Variants in SMAD4 observed in about 807,000 individuals in gnomAD.
The protein encoded by SMAD4 is MAD homolog 4.
SMAD4 carries 7 observed loss-of-function variants against 63.2 expected under a neutral mutation model. The ratio of observed to expected loss-of-function variants is 0.11; its 90% confidence interval spans 0.06 to 0.21. The LOEUF (loss-of-function observed/expected upper bound fraction) is 0.21. Ranked by LOEUF, SMAD4 falls within the 10% of genes least tolerant of loss-of-function variation. The pLI is 1.00. For synonymous variants in SMAD4, 215 were observed against 235.4 expected (o/e 0.91, Z 0.79); for missense variants, 312 against 693.8 (o/e 0.45, Z 6.18).
chr18:51,042,778 C>T (rs778110183), intron 1 of SMAD4, among the ~76,000 whole-genome samples: 2 of 152,110 alleles, frequency 1.3e-5, no homozygotes, highest in Non-Finnish European at 2.9e-5. Flanking sequence ...CATAGCTCAC[C>T]GTAGCCTTGG....
intron 1 of SMAD4, among the ~76,000 whole-genome samples, chr18:51,033,307 A>G (rs1599171625): frequency 6.6e-6 from 1 of 150,476 alleles, no homozygotes; most frequent in East Asian, 2.0e-4. Flanking sequence ...CTCCTGCGTC[A>G]GCCTCCTGAG....
intron 7 of SMAD4, among the ~76,000 whole-genome samples, chr18:51,059,137 G>A (rs1327114106): frequency 6.6e-6 from 1 of 152,110 alleles, no homozygotes; most frequent in South Asian, 2.1e-4. Flanking sequence ...CATATAAACA[G>A]GTATATGTAA....
intron 1 of SMAD4, among the ~76,000 whole-genome samples, chr18:51,043,989 G>T (rs536036337): frequency 2.2e-4 from 33 of 152,296 alleles, no homozygotes; most frequent in African/African-American, 7.7e-4. Context: ...GAGTGTTGTT[G>T]CTGTTTTCTT....
At position 51,079,301 on chromosome 18, in the gene SMAD4, C is replaced by T. The variant is rs190076139; in HGVS notation, c.*834C>T. On this transcript the variant is annotated 3_prime_UTR_variant, in exon 12 of 12. Transcript: ENST00000342988. ...TAAGAGGAATTTCTTTTCCTTCATT[C>T]ATAGGGAAAGGTTTTGTATTTTTTA... The T allele has an allele frequency of 4.3e-6, 1 of 233,312 alleles. No homozygotes were observed. Among genetic ancestry groups the T allele is most frequent in the Non-Finnish European group, 8.5e-6 (1 of 117,892 alleles). 14.5% of individuals were successfully genotyped at this position (233,312 alleles called of 1,614,324 possible). A position where few individuals can be genotyped will look rare whatever the true frequency, so the allele number is the denominator to read the frequency against.
rs2144483192 is a variant in SMAD4, at chr18:51,079,878, C to G, written c.*1411C>G. 4.3e-6 allele frequency: 1 copy of G among 232,234 alleles called. No individual in the cohort carries two copies. The highest frequency in any genetic ancestry group is 1.8e-4 in the South Asian group (1 of 5,518). The allele number at this position is 232,234 out of a possible 1,614,324, so 14.4% of individuals were successfully genotyped here. A position where few individuals can be genotyped will look rare whatever the true frequency, so the allele number is the denominator to read the frequency against. ...GTACCTTCTACTAAATGACAGGCAA[C>G]AGCCAGTTCTATTGGGCAGCTTTGT... On this transcript the variant is annotated 3_prime_UTR_variant, in exon 12 of 12. Coordinates refer to ENST00000342988, the MANE Select transcript of SMAD4 (RefSeq NM_005359.6).
chr18:51,041,283 A>G (rs1909372946), intron 1 of SMAD4, among the ~76,000 whole-genome samples: 1 of 152,134 alleles, frequency 6.6e-6, no homozygotes, highest in Non-Finnish European at 1.5e-5. Context: ...ATTTTCCTTC[A>G]GCCTGGCAAA....
chr18:51,055,065 T>TG, intron 5 of SMAD4, 72 bp downstream of exon 5: 2 of 1,128,418 alleles, frequency 1.8e-6, no homozygotes, highest in South Asian at 1.2e-5. Flanking sequence ...TGTAGTCACT[T>TG]GGGGGGAAAC....
chr18:51,045,966 T>C (rs1909531706), intron 1 of SMAD4, among the ~76,000 whole-genome samples: 1 of 152,208 alleles, frequency 6.6e-6, no homozygotes, highest in South Asian at 2.1e-4. Context: ...GTTAGTACTT[T>C]ATTCTTTTTT....
chr18:51,074,127 A>C (rs1186801584), intron 10 of SMAD4, among the ~76,000 whole-genome samples: 1 of 151,950 alleles, frequency 6.6e-6, no homozygotes, highest in Non-Finnish European at 1.5e-5. Context: ...TAATCCCAGC[A>C]CTTCGGGAGG....
At chr18:51,073,386 TATACACACACACAC>T (rs1324863821) in intron 10 of SMAD4, among the ~76,000 whole-genome samples, 60 of 82,050 alleles carry the variant, frequency 7.3e-4, no homozygotes, top group African/African-American at 1.8e-3. Context: ...TATATATATA[TATACACACACACAC>T]ACACACACAC....
chr18:51,036,494 A>G (rs2144379431), intron 1 of SMAD4, among the ~76,000 whole-genome samples: 1 of 152,346 alleles, frequency 6.6e-6, no homozygotes, highest in South Asian at 2.1e-4. Flanking sequence ...GAATCATTGT[A>G]CATAAACACA....
At chr18:51,073,879 A>G (rs1910402493) in intron 10 of SMAD4, among the ~76,000 whole-genome samples, 1 of 152,150 alleles carries the variant, frequency 6.6e-6, no homozygotes, top group African/African-American at 2.4e-5. Context: ...GGCATGATCC[A>G]TAAAGGAAAG....
intron 11 of SMAD4, chr18:51,077,498 G>A (rs1910499426): frequency 2.6e-6 from 1 of 381,836 alleles, no homozygotes; most frequent in Non-Finnish European, 3.6e-6. Flanking sequence ...CCTCCCATTA[G>A]TTTCATTGTA....
In SMAD4 at chr18:51,054,888, A is replaced by C. The variant is rs2144418756; in HGVS notation, c.562A>C (p.Asn188His). The change falls in exon 5 of 12, where the codon AAT becomes CAT. Residue 188 changes from asparagine to histidine, a missense_variant. Asn to His is a moderately conservative substitution (Grantham distance 68, BLOSUM62 1). Coordinates refer to ENST00000342988, the MANE Select transcript of SMAD4 (RefSeq NM_005359.6). The part of the protein sequence containing the change: ...SIQTIQHPPS[N>H]RASTETYSTP... ...TCAAACCATCCAGCATCCACCAAGTAATCGTGCATCGACAGAGACATACAG... is the reference window on the plus strand; with the variant it reads ...TCAAACCATCCAGCATCCACCAAGTCATCGTGCATCGACAGAGACATACAG... 1 of 1,614,096 alleles carries C rather than the reference A, an allele frequency of 6.2e-7. No individual in the cohort carries two copies. The highest frequency in any genetic ancestry group is 8.5e-7 in the Non-Finnish European group (1 of 1,179,930).
chr18:51,061,750 C>A (rs1910021313), intron 8 of SMAD4, among the ~76,000 whole-genome samples: 1 of 151,974 alleles, frequency 6.6e-6, no homozygotes, highest in Non-Finnish European at 1.5e-5. Flanking sequence ...ATGTAAATAT[C>A]TTAGTATATA....
chr18:51,065,406 C>T lies in SMAD4; in HGVS notation c.956-17C>T, dbSNP rs1315017766. 2.5e-6 allele frequency: 4 copies of T among 1,606,386 alleles called. No individual in the cohort carries two copies. Among genetic ancestry groups the T allele is most frequent in the Non-Finnish European group, 2.6e-6 (3 of 1,173,158 alleles). On this transcript the variant is annotated splice_polypyrimidine_tract_variant and intron_variant, in intron 8 of 11. Coordinates refer to ENST00000342988, the MANE Select transcript of SMAD4 (RefSeq NM_005359.6). ...CTTTCTCATGGGAGGATGTTCTTTC[C>T]CATTTATTTCCTATAGCTCCTGAGT...
At position 51,078,743 on chromosome 18, in the gene SMAD4, C is replaced by T. The variant is rs1910535414; in HGVS notation, c.*276C>T. ...ACCTGTTATGTATGAAGGAATCATT[C>T]CAGTGCTAGAAAATTTAGCCCTTTA... is the stretch of plus-strand genomic sequence containing the variant. On this transcript the variant is annotated 3_prime_UTR_variant, in exon 12 of 12. Transcript: ENST00000342988. 2 of 420,734 alleles carry T rather than the reference C, an allele frequency of 4.8e-6. No homozygotes were observed. The highest frequency in any genetic ancestry group is 7.9e-5 in the Admixed American group (2 of 25,352). 26.1% of individuals were successfully genotyped at this position (420,734 alleles called of 1,614,324 possible).
In SMAD4 at chr18:51,079,174, A is replaced by G; in HGVS notation, c.*707A>G. Reference sequence around the variant, plus strand: ...AAAAAAATTTAAAATTACGTTTGTTATTCCTAGTGGATGACTGTTGATGAA... The same window carrying G: ...AAAAAAATTTAAAATTACGTTTGTTGTTCCTAGTGGATGACTGTTGATGAA... On this transcript the variant is annotated 3_prime_UTR_variant, in exon 12 of 12. Transcript: ENST00000342988. The G allele has an allele frequency of 4.3e-6, 1 of 232,944 alleles. No homozygotes were observed. The highest frequency in any genetic ancestry group is 8.5e-6 in the Non-Finnish European group (1 of 117,884). The allele number at this position is 232,944 out of a possible 1,614,324, so 14.4% of individuals were successfully genotyped here. A position where few individuals can be genotyped will look rare whatever the true frequency, so the allele number is the denominator to read the frequency against.
rs1432058632 is a variant in SMAD4, at chr18:51,054,906, A to G, written c.580A>G (p.Thr194Ala). 6.2e-7 allele frequency: 1 copy of G among 1,613,988 alleles called. No individual in the cohort carries two copies. Among genetic ancestry groups the G allele is most frequent in the African/African-American group, 1.3e-5 (1 of 74,932 alleles). ...ACCAAGTAATCGTGCATCGACAGAG[A>G]CATACAGCACCCCAGCTCTGTTAGC... ...HPPSNRASTE[T>A]YSTPALLAPS... Residue 194 changes from threonine to alanine, a missense_variant, in exon 5 of 12, where the codon ACA (threonine) becomes GCA (alanine). Coordinates refer to ENST00000342988, the MANE Select transcript of SMAD4 (RefSeq NM_005359.6).
Sources: gnomAD v4.1 joint callset for allele counts (sites outside exome capture counted in the v4.1 genomes callset) on GRCh38, gnomAD v4.1.1 for gene constraint, MANE v1.5 for transcripts, NCBI Gene and HGNC (gene_info 2026-07-23, HGNC 2026-07-21) for gene names.